The following TMEM72 variants were observed in gnomAD, a reference collection of about 807,000 sequenced individuals.
The protein encoded by TMEM72 is kidney-specific secretory protein of 37 kDa.
Under a neutral mutation model 16.3 loss-of-function variants are expected in TMEM72, and 9 were observed. The ratio of observed to expected loss-of-function variants is 0.55; its 90% CI spans 0.33 to 0.96. The LOEUF (loss-of-function observed/expected upper bound fraction) is 0.96. TMEM72 is among the 40% of genes least tolerant of loss of function. The pLI is 0.03. For synonymous variants in TMEM72, 160 were observed against 146.5 expected (o/e 1.09, Z -0.66); for missense variants, 324 against 337.8 (o/e 0.96, Z 0.32).
At chr10:44,927,635 G>T (rs1298073022) in intron 1 of TMEM72, among the ~76,000 whole-genome samples, 1 of 152,246 alleles carries the variant, frequency 6.6e-6, no homozygotes, top group Non-Finnish European at 1.5e-5. Flanking sequence ...AGGGGCTGGT[G>T]CCACATTAGT....
intron 1 of TMEM72, among the ~76,000 whole-genome samples, chr10:44,924,550 G>A (rs1332623): frequency 1.3e-5 from 2 of 152,020 alleles, no homozygotes; most frequent in Admixed American, 6.5e-5. Flanking sequence ...TGGGCCTGCC[G>A]CTCCCAGCAG....
chr10:44,924,708 G>A (rs536022255), intron 1 of TMEM72, among the ~76,000 whole-genome samples: 21 of 152,376 alleles, frequency 1.4e-4, no homozygotes, highest in South Asian at 1.2e-3. Context: ...GCGGTGACCC[G>A]TTGGCCTGGA....
rs1312491257 is a variant in TMEM72, at chr10:44,935,192, C to T, written c.*58C>T. Reference sequence around the variant, plus strand: ...GGGGTCTACCTAGCTCAATGGCCCTCCCTGGAGTTTCAGGGTCTTCTCTGG... The same window carrying T: ...GGGGTCTACCTAGCTCAATGGCCCTTCCTGGAGTTTCAGGGTCTTCTCTGG... On this transcript the variant is annotated 3_prime_UTR_variant, in exon 5 of 5. Coordinates refer to ENST00000389583, the MANE Select transcript of TMEM72 (RefSeq NM_001123376.3). 1.6e-5 allele frequency: 23 copies of T among 1,482,062 alleles called. No individual in the cohort carries two copies. Among genetic ancestry groups the T allele is most frequent in the Non-Finnish European group, 2.0e-5 (22 of 1,105,318 alleles). 91.8% of individuals were successfully genotyped at this position (1,482,062 alleles called of 1,614,324 possible).
Position 44,925,362 on chromosome 10 carries a change from C to T in TMEM72, c.71-2559C>T, listed in dbSNP as rs1840169302. 5.3e-5 allele frequency among the ~76,000 whole-genome samples: 8 copies of T among 152,254 alleles called. No individual in the cohort carries two copies. In the South Asian group the frequency reaches 1.7e-3, roughly 32 times the overall value. ...CTGAGTTCCCAAGACCCTTTCCTGC[C>T]ATCTGCTGGTCGTCTGCCACAAGCC... On this transcript the variant is annotated intron_variant, in intron 1 of 4. Coordinates refer to ENST00000389583, the MANE Select transcript of TMEM72 (RefSeq NM_001123376.3).
intron 4 of TMEM72, 65 bp from the exon 5 acceptor site, chr10:44,934,591 G>A: frequency 1.4e-6 from 2 of 1,458,016 alleles, no homozygotes; most frequent in Non-Finnish European, 1.8e-6. Flanking sequence ...TGCACGACAT[G>A]CTTGCAAGGA....
intron 1 of TMEM72, among the ~76,000 whole-genome samples, chr10:44,922,339 C>T (rs534903627): frequency 6.6e-6 from 1 of 152,304 alleles, no homozygotes; most frequent in African/African-American, 2.4e-5. Flanking sequence ...CAAGCCCCCA[C>T]TAAATTTCAG....
chr10:44,917,721 A>C (rs989537943), intron 1 of TMEM72, among the ~76,000 whole-genome samples: 6 of 152,040 alleles, frequency 3.9e-5, no homozygotes, highest in Non-Finnish European at 7.3e-5. Flanking sequence ...GGTAAGGGTC[A>C]GATGAAGAAG....
At chr10:44,912,297 A>T (rs1445232703) in intron 1 of TMEM72, among the ~76,000 whole-genome samples, 1 of 152,174 alleles carries the variant, frequency 6.6e-6, no homozygotes, top group African/African-American at 2.4e-5. Flanking sequence ...CAGAGCCACC[A>T]TCCTGAGCCC....
chr10:44,930,347 C>T (rs1231452927), intron 2 of TMEM72, among the ~76,000 whole-genome samples: 1 of 152,186 alleles, frequency 6.6e-6, no homozygotes, highest in Non-Finnish European at 1.5e-5. Context: ...TTGCAAAACA[C>T]GTCTTGATGT....
chr10:44,930,614 T>C (rs1228239153), intron 2 of TMEM72, among the ~76,000 whole-genome samples: 3 of 152,166 alleles, frequency 2.0e-5, no homozygotes, highest in Admixed American at 1.3e-4. Context: ...TAAATGTTAG[T>C]TATTATCATT....
Position 44,936,361 on chromosome 10 carries a change from A to G in TMEM72, c.*1227A>G, listed in dbSNP as rs1840401108. On this transcript the variant is annotated 3_prime_UTR_variant, in exon 5 of 5. Transcript: ENST00000389583. ...CTCTGTAGAACAAGCCTTAGAGTGC[A>G]TGCTCTATGGTCTAATGAGAAACTT... The G allele has an allele frequency of 6.6e-6, 1 of 152,266 alleles. No individual in the cohort carries two copies. The highest frequency in any genetic ancestry group is 1.5e-5 in the Non-Finnish European group (1 of 68,050). The allele number at this position is 152,266 out of a possible 1,614,324, so 9.4% of individuals were successfully genotyped here. A position where few individuals can be genotyped will look rare whatever the true frequency, so the allele number is the denominator to read the frequency against.
intron 1 of TMEM72, chr10:44,923,034 AC>A (rs1363250884): frequency 6.6e-6 from 1 of 152,296 alleles, no homozygotes; most frequent in Non-Finnish European, 1.5e-5. Context: ...TATACTCAAA[AC>A]TTTGTGATTC....
chr10:44,927,999 T>G lies in TMEM72; in HGVS notation c.137+12T>G, dbSNP rs747594998. On this transcript the variant is annotated intron_variant, in intron 2 of 4. Coordinates refer to ENST00000389583, the MANE Select transcript of TMEM72 (RefSeq NM_001123376.3). Reference sequence around the variant, plus strand: ...GCTTTCTATCTGCTGTGAGTATGTGTGCATGTGCCACTTTTGACCTGCAAG... The same window carrying G: ...GCTTTCTATCTGCTGTGAGTATGTGGGCATGTGCCACTTTTGACCTGCAAG... 1.6e-4 allele frequency: 264 copies of G among 1,613,262 alleles called. No individual in the cohort carries two copies. Among genetic ancestry groups the G allele is most frequent in the Admixed American group, 9.2e-4 (55 of 60,022 alleles).
chr10:44,935,063 A>G lies in TMEM72; in HGVS notation c.757A>G (p.Thr253Ala), dbSNP rs753619992. 1.2e-6 allele frequency: 2 copies of G among 1,613,628 alleles called. No individual in the cohort carries two copies. The highest frequency in any genetic ancestry group is 3.3e-5 in the Admixed American group (2 of 59,992). The change falls in exon 5 of 5, where the codon ACG (threonine) becomes GCG (alanine). Residue 253 changes from threonine (T) to alanine (A), a missense_variant. Thr to Ala is a moderately conservative substitution (Grantham distance 58, BLOSUM62 0). Coordinates refer to ENST00000389583, the MANE Select transcript of TMEM72 (RefSeq NM_001123376.3). ...DSEPEETTSD[T>A]TPIIPPPQAP... The stretch of plus-strand genomic sequence containing the variant: ...TGAGCCAGAGGAGACCACCTCTGAC[A>G]CGACACCCATCATTCCCCCTCCCCA...
At chr10:44,929,942 G>A (rs138787940) in intron 2 of TMEM72, among the ~76,000 whole-genome samples, 8 of 152,222 alleles carry the variant, frequency 5.3e-5, no homozygotes, top group African/African-American at 1.4e-4. Flanking sequence ...AACACCCTCC[G>A]TGTCTAACTG....
At chr10:44,918,325 C>T (rs973696370) in intron 1 of TMEM72, among the ~76,000 whole-genome samples, 5 of 152,130 alleles carry the variant, frequency 3.3e-5, no homozygotes, top group African/African-American at 1.2e-4. Flanking sequence ...GCCAATGAAC[C>T]ATATGGGTCT....
At position 44,935,123 on chromosome 10, in the gene TMEM72, G is replaced by A. The variant is rs201970986; in HGVS notation, c.817G>A (p.Gly273Ser). The A allele has an allele frequency of 1.5e-4, 238 of 1,591,932 alleles. No homozygotes were observed. The highest frequency in any genetic ancestry group is 2.0e-4 in the Middle Eastern group (1 of 4,972). The change falls in exon 5 of 5, where the codon GGC becomes AGC. Residue 273 changes from glycine to serine, a missense_variant. Physicochemically the swap from Gly to Ser is moderately conservative, Grantham distance 56. Transcript: ENST00000389583. Reference protein sequence around the residue: ...PLFLSSLTATGLF With the variant: ...PLFLSSLTATSLF ...CTTCCTGTCATCTCTTACAGCCACC[G>A]GCCTGTTCTGAGCGCTTGCTCCAGC...
Position 44,934,885 on chromosome 10 carries a change from T to G in TMEM72, c.579T>G (p.Thr193=). Residue 193 remains threonine, a synonymous_variant, in exon 5 of 5, where the codon ACT becomes ACG. Coordinates refer to ENST00000389583, the MANE Select transcript of TMEM72 (RefSeq NM_001123376.3). ...FIHMKSILKG[T]KKPSALQPPN... is the part of the protein sequence containing the mutation. The stretch of plus-strand genomic sequence containing the variant: ...ACATGAAGAGTATCCTGAAGGGGAC[T>G]AAGAAGCCCAGTGCCCTCCAGCCCC... The G allele has an allele frequency of 3.1e-6, 5 of 1,613,464 alleles. No homozygotes were observed. The South Asian group carries it at 5.5e-5, about 18-fold the overall frequency.
At chr10:44,924,907 A>G (rs1427170490) in intron 1 of TMEM72, among the ~76,000 whole-genome samples, 1 of 152,214 alleles carries the variant, frequency 6.6e-6, no homozygotes, top group Non-Finnish European at 1.5e-5. Context: ...CACGCCCCTT[A>G]GTACAAAGTG....
Sources: gnomAD v4.1 joint callset for allele counts (sites outside exome capture counted in the v4.1 genomes callset) on GRCh38, gnomAD v4.1.1 for gene constraint, MANE v1.5 for transcripts, NCBI Gene and HGNC (gene_info 2026-07-23, HGNC 2026-07-21) for gene names.